The following NUP210L variants were observed in gnomAD, a reference collection of about 807,000 sequenced individuals.
The protein encoded by NUP210L is nucleoporin 210 like.
NUP210L carries 74 observed loss-of-function variants against 208.5 expected under a neutral mutation model. The ratio of observed to expected loss-of-function variants is 0.35; its 90% CI spans 0.29 to 0.43. NUP210L has a LOEUF of 0.43. Ranked by LOEUF, NUP210L falls within the 20% of genes least tolerant of loss-of-function variation. The pLI is 1.00. For synonymous variants in NUP210L, 780 were observed against 816.9 expected (o/e 0.95, Z 0.77); for missense variants, 1,843 against 2,289.4 (o/e 0.81, Z 3.98).
chr1:154,105,820 AC>A (rs1215175465), intron 12 of NUP210L, among the ~76,000 whole-genome samples: 1 of 152,014 alleles, frequency 6.6e-6, no homozygotes, highest in African/African-American at 2.4e-5. Flanking sequence ...GAAGGGAGAG[AC>A]CCAGGCCTGG....
intron 33 of NUP210L, among the ~76,000 whole-genome samples, chr1:154,014,063 C>A (rs1020633618): frequency 2.6e-5 from 4 of 152,108 alleles, no homozygotes; most frequent in African/African-American, 4.8e-5. Context: ...CCATGCCCAG[C>A]CCTTAATATT....
chr1:154,041,910 C>T (rs958202651), intron 27 of NUP210L, among the ~76,000 whole-genome samples: 1 of 152,160 alleles, frequency 6.6e-6, no homozygotes, highest in African/African-American at 2.4e-5. Context: ...AATCACCTTT[C>T]CCCAGTCCCC....
At chr1:154,076,102 CTTTTTTTTTT>C (rs60524355) in intron 16 of NUP210L, among the ~76,000 whole-genome samples, 1 of 117,940 alleles carries the variant, frequency 8.5e-6, no homozygotes, top group African/African-American at 3.2e-5. Context: ...ACAAAGACTT[CTTTTTTTTTT>C]TTTTTTTTTT....
At chr1:154,066,241 CA>C (rs1304453940) in intron 17 of NUP210L, among the ~76,000 whole-genome samples, 7 of 152,118 alleles carry the variant, frequency 4.6e-5, no homozygotes, top group Non-Finnish European at 7.3e-5. Context: ...CAAACAAACT[CA>C]AAAGCTAGCA....
At chr1:153,992,748 T>G in exon 40 of NUP210L, 1 of 846,724 alleles carries the variant, frequency 1.2e-6, no homozygotes, top group Non-Finnish European at 1.9e-6. Flanking sequence ...ATCTGGAAAC[T>G]TAATGTAGAA....
intron 14 of NUP210L, among the ~76,000 whole-genome samples, chr1:154,096,332 A>C (rs996682253): frequency 6.6e-6 from 1 of 152,232 alleles, no homozygotes; most frequent in Non-Finnish European, 1.5e-5. Flanking sequence ...CTCTTAAATA[A>C]TGTATATATA....
At chr1:154,121,765 G>A (rs980864257) in intron 10 of NUP210L, among the ~76,000 whole-genome samples, 17 of 151,938 alleles carry the variant, frequency 1.1e-4, no homozygotes, top group Admixed American at 5.3e-4. Context: ...TACTCGGGAG[G>A]CTGAGGCAGG....
chr1:154,035,726 T>A (rs760032950), intron 27 of NUP210L, among the ~76,000 whole-genome samples: 2 of 150,672 alleles, frequency 1.3e-5, no homozygotes, highest in Non-Finnish European at 3.0e-5. Flanking sequence ...GGTATCAACT[T>A]TTTTCTTTCT....
chr1:154,051,065 C>T (rs1653461622), intron 25 of NUP210L, among the ~76,000 whole-genome samples: 1 of 152,150 alleles, frequency 6.6e-6, no homozygotes, highest in East Asian at 1.9e-4. Flanking sequence ...CTTTATTTAC[C>T]CAATTGCAAA....
At chr1:153,997,899 G>A (rs987729741) in intron 37 of NUP210L, among the ~76,000 whole-genome samples, 3 of 151,244 alleles carry the variant, frequency 2.0e-5, no homozygotes, top group Non-Finnish European at 2.9e-5. Context: ...TAGTAGAGAC[G>A]GGGTTTCACC....
chr1:154,059,700 TA>T (rs1189839327), intron 20 of NUP210L, among the ~76,000 whole-genome samples: 1 of 152,218 alleles, frequency 6.6e-6, no homozygotes, highest in East Asian at 1.9e-4. Context: ...TTCTTTGTGC[TA>T]CAGTTCCTGC....
At chr1:154,002,027 G>A (rs1270435118) in intron 35 of NUP210L, 42 bp from the exon 36 acceptor site, 5 of 1,586,996 alleles carry the variant, frequency 3.2e-6, no homozygotes, top group Non-Finnish European at 3.4e-6. Context: ...AGGTTCAGAG[G>A]CTCTATTGAG....
chr1:154,114,302 A>G (rs1657202527), intron 12 of NUP210L, among the ~76,000 whole-genome samples: 3 of 152,192 alleles, frequency 2.0e-5, no homozygotes, highest in East Asian at 3.9e-4. Context: ...AAATTAATAA[A>G]TAAAATAAAA....
intron 15 of NUP210L, among the ~76,000 whole-genome samples, chr1:154,093,457 A>G (rs942367194): frequency 3.3e-5 from 5 of 152,316 alleles, no homozygotes; most frequent in African/African-American, 1.2e-4. Flanking sequence ...TTTTACCACA[A>G]TAAAAGATTG....
chr1:153,999,204 G>C (rs1650065226), intron 37 of NUP210L, among the ~76,000 whole-genome samples: 1 of 152,176 alleles, frequency 6.6e-6, no homozygotes, highest in African/African-American at 2.4e-5. Context: ...TAATTAAGTA[G>C]CTTCCCTTGA....
At chr1:154,133,295 C>T (rs920708992) in intron 7 of NUP210L, among the ~76,000 whole-genome samples, 8 of 152,102 alleles carry the variant, frequency 5.3e-5, no homozygotes, top group Admixed American at 4.6e-4. Flanking sequence ...GTGGATCACA[C>T]CTGTAATCCA....
At chr1:154,019,299 C>T (rs1651428713) in intron 32 of NUP210L, among the ~76,000 whole-genome samples, 1 of 152,188 alleles carries the variant, frequency 6.6e-6, no homozygotes. Context: ...TGTAACTGTT[C>T]TCCTTGGGAA....
chr1:154,127,217 A>G (rs1658027790), intron 9 of NUP210L, 94 bp downstream of exon 9: 1 of 487,904 alleles, frequency 2.0e-6, no homozygotes, highest in African/African-American at 2.0e-5. Flanking sequence ...TCAAAGAAAG[A>G]AAGAGGGCTT....
At chr1:154,004,132 G>A (rs1263842697) in intron 35 of NUP210L, among the ~76,000 whole-genome samples, 3 of 149,942 alleles carry the variant, frequency 2.0e-5, no homozygotes, top group Non-Finnish European at 4.4e-5. Context: ...GCAGTGGCGC[G>A]ATCTTGGCTC....
Sources: allele counts gnomAD v4.1 joint callset (sites outside exome capture counted in the v4.1 genomes callset), GRCh38; gene constraint gnomAD v4.1.1; transcripts MANE v1.5; gene names NCBI Gene and HGNC (gene_info 2026-07-23, HGNC 2026-07-21).